CDC42BPB: variants seen among roughly 807,000 people sequenced by gnomAD.
The protein encoded by CDC42BPB is serine/threonine-protein kinase MRCK beta.
Under a neutral mutation model 214.9 loss-of-function variants are expected in CDC42BPB, and 37 were observed. That is an observed-to-expected ratio of 0.17 (90% CI 0.13 to 0.23). CDC42BPB has a LOEUF of 0.23. Among genes scored for constraint, CDC42BPB ranks in the 10% least tolerant of loss-of-function variants. The probability of loss-of-function intolerance (pLI) is 1.00; values close to 1 mark genes in which losing one functional copy is unlikely to be tolerated. For missense variants in CDC42BPB, 1,694 were observed against 2,227.0 expected (o/e 0.76, Z 4.82); for synonymous variants, 931 against 884.0 (o/e 1.05, Z -0.94).
At chr14:102,978,618 A>G (rs1893862741) in intron 8 of CDC42BPB, among the ~76,000 whole-genome samples, 1 of 152,246 alleles carries the variant, frequency 6.6e-6, no homozygotes, top group Non-Finnish European at 1.5e-5. Flanking sequence ...CTAAGACAAG[A>G]GGCCCCAAGG....
chr14:102,991,643 CGT>C (rs1005685179), intron 5 of CDC42BPB, among the ~76,000 whole-genome samples: 2 of 152,132 alleles, frequency 1.3e-5, no homozygotes, highest in African/African-American at 4.8e-5. Flanking sequence ...AAAATCTGTA[CGT>C]GTGTGTACAC....
chr14:102,958,177 A>T (rs1892795151), intron 21 of CDC42BPB, among the ~76,000 whole-genome samples: 1 of 152,238 alleles, frequency 6.6e-6, no homozygotes, highest in Non-Finnish European at 1.5e-5. Flanking sequence ...GGACACATGG[A>T]TATGGGCTGT....
chr14:103,025,489 A>G (rs1345284562), intron 1 of CDC42BPB, among the ~76,000 whole-genome samples: 1 of 151,760 alleles, frequency 6.6e-6, no homozygotes, highest in Non-Finnish European at 1.5e-5. Flanking sequence ...GTATTCATGT[A>G]ATGAACTAGT....
At chr14:103,018,024 A>T (rs920496130) in intron 1 of CDC42BPB, among the ~76,000 whole-genome samples, 9 of 152,088 alleles carry the variant, frequency 5.9e-5, no homozygotes, top group Admixed American at 5.9e-4. Context: ...GGGGTGGAGG[A>T]GGTGAGGTGA....
intron 1 of CDC42BPB, among the ~76,000 whole-genome samples, chr14:103,029,700 CA>C (rs201042312): frequency 1.3e-5 from 2 of 148,680 alleles, no homozygotes; most frequent in Admixed American, 6.7e-5. Context: ...ACTAAAAATA[CA>C]AAAAAAAATT....
chr14:102,973,932 G>T (rs886093168), intron 12 of CDC42BPB, 84 bp downstream of exon 12: 3 of 1,474,368 alleles, frequency 2.0e-6, no homozygotes, highest in Non-Finnish European at 2.7e-6. Flanking sequence ...GTCCCAAGAG[G>T]TCTTCCATCA....
In CDC42BPB at chr14:102,938,463, C is replaced by G. The variant is rs778712586; in HGVS notation, c.4828-52G>C. 4 of 1,503,502 alleles carry G rather than the reference C, an allele frequency of 2.7e-6. No homozygotes were observed. In the South Asian group the frequency reaches 5.4e-5, roughly 20 times the overall value. The allele number at this position is 1,503,502 out of a possible 1,614,324, so 93.1% of individuals were successfully genotyped here. ...ATGCTTGGTTGACACCCGGCAGGGC[C>G]GGCTGCGAAGTTTGTGCAACCTACG... On this transcript the variant is annotated intron_variant, in intron 34 of 36. Transcript: ENST00000361246.
At chr14:102,950,403 A>G in intron 25 of CDC42BPB, 63 bp downstream of exon 25, 1 of 1,589,742 alleles carries the variant, frequency 6.3e-7, no homozygotes, top group South Asian at 1.1e-5. Flanking sequence ...GTGGCTGGGC[A>G]TGGCTATTGG....
chr14:102,983,871 C>T, intron 6 of CDC42BPB, 115 bp from the exon 7 acceptor site: 1 of 1,465,390 alleles, frequency 6.8e-7, no homozygotes, highest in South Asian at 1.4e-5. Context: ...TAGAATAAAA[C>T]TGATGAATGA....
rs576180563 is a variant in CDC42BPB at position 102,943,446 on chromosome 14, G to C, written c.4408+445C>G. Reference sequence around the variant, plus strand: ...CACTTTCAGAAAATACTTGTCCTTAGAGGGACTGTAACTTAAGACACCAGA... The same window carrying C: ...CACTTTCAGAAAATACTTGTCCTTACAGGGACTGTAACTTAAGACACCAGA... On this transcript the variant is annotated intron_variant, in intron 30 of 36. Coordinates refer to ENST00000361246, the MANE Select transcript of CDC42BPB (RefSeq NM_006035.4). This position sits in a 1 kb window ranked among gnomAD's most constrained non-coding sequence, Gnocchi z 4.6. Among the ~76,000 whole-genome samples the C allele has an allele frequency of 3.9e-4, 60 of 152,340 alleles. No individual in the cohort carries two copies. The highest frequency in any genetic ancestry group is 1.4e-3 in the African/African-American group (58 of 41,586).
intron 5 of CDC42BPB, among the ~76,000 whole-genome samples, chr14:102,989,546 T>C (rs1198891926): frequency 6.6e-6 from 1 of 152,212 alleles, no homozygotes; most frequent in Non-Finnish European, 1.5e-5. Context: ...TAGTTACCTA[T>C]GGTAGTTCGC....
intron 1 of CDC42BPB, among the ~76,000 whole-genome samples, chr14:103,013,291 C>T (rs1465638905): frequency 6.6e-6 from 1 of 152,190 alleles, no homozygotes; most frequent in Non-Finnish European, 1.5e-5. Flanking sequence ...TCCCTGGACA[C>T]CCATGGCGGT....
At chr14:103,046,051 A>G (rs565123056) in intron 1 of CDC42BPB, among the ~76,000 whole-genome samples, 2 of 152,280 alleles carry the variant, frequency 1.3e-5, no homozygotes, top group East Asian at 3.9e-4. Flanking sequence ...AGCAGGGGCA[A>G]CGAGGCTGGG....
chr14:102,950,724 C>T (rs926068895), intron 24 of CDC42BPB, 122 bp from the exon 25 acceptor site: 19 of 1,369,634 alleles, frequency 1.4e-5, no homozygotes, highest in Middle Eastern at 2.2e-4. Flanking sequence ...CCAGCACTTT[C>T]GGAGGCCGAG....
intron 5 of CDC42BPB, among the ~76,000 whole-genome samples, chr14:102,987,873 T>C (rs544505986): frequency 6.7e-6 from 1 of 149,538 alleles, no homozygotes; most frequent in South Asian, 2.1e-4. Flanking sequence ...TTTGGGAGGC[T>C]GAGGCAAGAG....
chr14:102,954,155 T>G, intron 23 of CDC42BPB, 43 bp downstream of exon 23: 1 of 1,258,586 alleles, frequency 7.9e-7, no homozygotes. Context: ...AATAAACAAC[T>G]AAATAACTAA....
intron 1 of CDC42BPB, among the ~76,000 whole-genome samples, chr14:103,032,782 A>AG (rs1167615781): frequency 7.3e-5 from 11 of 151,656 alleles, no homozygotes; most frequent in Admixed American, 7.2e-4. Context: ...ACAGGCATGC[A>AG]GCACCACGCC....
At chr14:102,987,082 C>T (rs1278158776) in intron 5 of CDC42BPB, among the ~76,000 whole-genome samples, 1 of 152,220 alleles carries the variant, frequency 6.6e-6, no homozygotes, top group Non-Finnish European at 1.5e-5. Flanking sequence ...TGGGGGCTGC[C>T]ACACAAAGAG....
At chr14:102,995,069 T>G (rs1178680160) in intron 5 of CDC42BPB, among the ~76,000 whole-genome samples, 1 of 152,268 alleles carries the variant, frequency 6.6e-6, no homozygotes, top group Non-Finnish European at 1.5e-5. Flanking sequence ...TTTCCAAGAC[T>G]TTTTGTTTTC....
Sources: gnomAD v4.1 joint callset for allele counts (sites outside exome capture counted in the v4.1 genomes callset) on GRCh38, gnomAD v4.1.1 for gene constraint, Gnocchi (gnomAD v3.1) non-coding constraint, MANE v1.5 for transcripts, NCBI Gene and HGNC (gene_info 2026-07-23, HGNC 2026-07-21) for gene names.